The following PLCXD3 variants were observed in gnomAD, a reference collection of about 807,000 sequenced individuals.
PLCXD3 encodes the protein phosphatidylinositol specific phospholipase C X domain containing 3, also known as PI-PLC X domain-containing protein 3.
Under a neutral mutation model 25.5 loss-of-function variants are expected in PLCXD3, and 19 were observed. That is an observed-to-expected ratio of 0.75 (90% CI 0.52 to 1.09). The LOEUF is 1.09. PLCXD3 is among the 50% of genes least tolerant of loss of function. The pLI is 0.00. For synonymous variants in PLCXD3, 174 were observed against 137.6 expected (o/e 1.26, Z -1.85); for missense variants, 411 against 388.1 (o/e 1.06, Z -0.50).
chr5:41,461,778 G>A (rs1441674014), intron 1 of PLCXD3, among the ~76,000 whole-genome samples: 1 of 151,880 alleles, frequency 6.6e-6, no homozygotes, highest in Non-Finnish European at 1.5e-5. Context: ...CAGTATCACG[G>A]TCAGAACTCA....
intron 1 of PLCXD3, among the ~76,000 whole-genome samples, chr5:41,406,986 T>C (rs764761784): frequency 1.3e-5 from 2 of 152,224 alleles, no homozygotes; most frequent in African/African-American, 2.4e-5. Flanking sequence ...ACCCTGTCAC[T>C]AAATGCTAGA....
intron 1 of PLCXD3, among the ~76,000 whole-genome samples, chr5:41,430,800 A>G (rs891763847): frequency 6.6e-6 from 1 of 152,178 alleles, no homozygotes; most frequent in African/African-American, 2.4e-5. Flanking sequence ...TACATTATAA[A>G]TATTATTCTT....
chr5:41,411,278 C>T (rs1746512567), intron 1 of PLCXD3, among the ~76,000 whole-genome samples: 1 of 152,138 alleles, frequency 6.6e-6, no homozygotes, highest in African/African-American at 2.4e-5. Context: ...CACAACATTA[C>T]CCTTAATCAT....
At chr5:41,376,002 C>G (rs979558615) in intron 2 of PLCXD3, among the ~76,000 whole-genome samples, 8 of 152,062 alleles carry the variant, frequency 5.3e-5, no homozygotes, top group African/African-American at 1.7e-4. Context: ...TAAATGGACA[C>G]AAATCATGTA....
At chr5:41,490,503 A>G (rs1748638511) in intron 1 of PLCXD3, among the ~76,000 whole-genome samples, 1 of 152,186 alleles carries the variant, frequency 6.6e-6, no homozygotes, top group Non-Finnish European at 1.5e-5. Flanking sequence ...TAGTTTCAGA[A>G]GGAATGGTAC....
At chr5:41,425,696 C>G (rs1306962106) in intron 1 of PLCXD3, among the ~76,000 whole-genome samples, 1 of 152,100 alleles carries the variant, frequency 6.6e-6, no homozygotes, top group Admixed American at 6.5e-5. Context: ...ATAATTTTGT[C>G]GTTTTTAGAA....
At chr5:41,442,121 T>C (rs1284372108) in intron 1 of PLCXD3, among the ~76,000 whole-genome samples, 2 of 152,208 alleles carry the variant, frequency 1.3e-5, no homozygotes, top group East Asian at 3.8e-4. Flanking sequence ...GCAATTTAAA[T>C]CATCCCATAT....
intron 1 of PLCXD3, among the ~76,000 whole-genome samples, chr5:41,467,167 C>T (rs571773126): frequency 2.8e-4 from 42 of 152,292 alleles, no homozygotes; most frequent in Non-Finnish European, 4.3e-4. Context: ...ATTTACATTT[C>T]CACCAACAAT....
At chr5:41,368,109 A>C (rs1744990499) in intron 2 of PLCXD3, among the ~76,000 whole-genome samples, 1 of 152,112 alleles carries the variant, frequency 6.6e-6, no homozygotes, top group African/African-American at 2.4e-5. Context: ...ATGTTTTTCC[A>C]TTTGTTTGTG....
intron 1 of PLCXD3, among the ~76,000 whole-genome samples, chr5:41,402,853 T>C (rs1317189531): frequency 2.0e-5 from 3 of 152,078 alleles, no homozygotes. Context: ...TTTAATATCA[T>C]ATCATTTTTG....
chr5:41,368,455 T>C (rs186078659), intron 2 of PLCXD3, among the ~76,000 whole-genome samples: 1 of 152,346 alleles, frequency 6.6e-6, no homozygotes, highest in African/African-American at 2.4e-5. Flanking sequence ...TGGGGCTTTC[T>C]AGATATAGGA....
intron 1 of PLCXD3, among the ~76,000 whole-genome samples, chr5:41,472,097 T>G (rs2150520362): frequency 6.6e-6 from 1 of 151,154 alleles, no homozygotes; most frequent in South Asian, 2.1e-4. Context: ...GCCACATAAT[T>G]TAAATCTGGA....
At position 41,420,808 on chromosome 5, in the gene PLCXD3, T is replaced by A. The variant is rs182061906; in HGVS notation, c.104-38274A>T. On this transcript the variant is annotated intron_variant, in intron 1 of 2. Coordinates refer to ENST00000377801, the MANE Select transcript of PLCXD3 (RefSeq NM_001005473.3). ...TTCCTCCAACCCTAACTTTGTCACA[T>A]CACCTTTGCATTGTCTGCAAGTTCT... Among the ~76,000 whole-genome samples the A allele has an allele frequency of 2.8e-3, 434 of 152,362 alleles. 1 individual carries two copies. Among genetic ancestry groups the A allele is most frequent in the Admixed American group, 6.7e-3 (102 of 15,304 alleles).
intron 1 of PLCXD3, among the ~76,000 whole-genome samples, chr5:41,446,540 T>C (rs1351000899): frequency 2.0e-5 from 3 of 150,716 alleles, no homozygotes; most frequent in Admixed American, 2.0e-4. Flanking sequence ...CTAGTTTCTT[T>C]TTTTTTTTTT....
intron 2 of PLCXD3, among the ~76,000 whole-genome samples, chr5:41,370,484 C>T (rs960688521): frequency 2.0e-5 from 3 of 152,064 alleles, no homozygotes; most frequent in Non-Finnish European, 4.4e-5. Context: ...TATCTCATTG[C>T]CTAGAGTGAT....
intron 1 of PLCXD3, among the ~76,000 whole-genome samples, chr5:41,478,715 T>C (rs1748332669): frequency 6.6e-6 from 1 of 152,198 alleles, no homozygotes; most frequent in Non-Finnish European, 1.5e-5. Flanking sequence ...TCTATTATCT[T>C]ACTGCTATGA....
At chr5:41,350,735 T>G (rs750341416) in intron 2 of PLCXD3, among the ~76,000 whole-genome samples, 5 of 152,186 alleles carry the variant, frequency 3.3e-5, no homozygotes, top group Non-Finnish European at 5.9e-5. Context: ...CCAAAGAGCT[T>G]TATGAAGTAC....
At chr5:41,453,313 T>G (rs908325926) in intron 1 of PLCXD3, among the ~76,000 whole-genome samples, 2 of 151,974 alleles carry the variant, frequency 1.3e-5, no homozygotes, top group African/African-American at 4.8e-5. Flanking sequence ...CACAAACTAT[T>G]GGCTGTATGT....
At chr5:41,422,903 C>T (rs1367461782) in intron 1 of PLCXD3, among the ~76,000 whole-genome samples, 1 of 151,848 alleles carries the variant, frequency 6.6e-6, no homozygotes, top group Non-Finnish European at 1.5e-5. Context: ...TTAGAGAGTC[C>T]TTTTCATTGT....
Sources: gnomAD v4.1 joint callset for allele counts (sites outside exome capture counted in the v4.1 genomes callset) on GRCh38, gnomAD v4.1.1 for gene constraint, MANE v1.5 for transcripts, NCBI Gene and HGNC (gene_info 2026-07-23, HGNC 2026-07-21) for gene names.